TBXAS1: variants seen among roughly 807,000 people sequenced by gnomAD.
TBXAS1 encodes the protein thromboxane A synthase 1.
Under a neutral mutation model 60.7 loss-of-function variants are expected in TBXAS1, and 48 were observed. The observed-to-expected ratio is 0.79, with a 90% confidence interval of 0.63 to 1.01. The LOEUF (loss-of-function observed/expected upper bound fraction) is 1.01. TBXAS1 is among the 50% of genes least tolerant of loss of function. TBXAS1 has a pLI of 0.00. For synonymous variants in TBXAS1, 287 were observed against 269.7 expected (o/e 1.06, Z -0.63); for missense variants, 685 against 686.3 (o/e 1.00, Z 0.02).
At chr7:139,960,729 G>C (rs1810262254) in intron 8 of TBXAS1, among the ~76,000 whole-genome samples, 1 of 141,148 alleles carries the variant, frequency 7.1e-6, no homozygotes, top group Admixed American at 7.1e-5. Flanking sequence ...CTGGGTGACA[G>C]AGCAAAAAAA....
chr7:139,830,129 G>C (rs764745), intron 1 of TBXAS1, among the ~76,000 whole-genome samples: 103,782 of 152,008 alleles, frequency 0.68, 37,317 homozygotes, highest in East Asian at 0.92. Context: ...TTTTCCTAAG[G>C]CTGACTCTGG....
chr7:139,977,809 G>A (rs931735654), intron 9 of TBXAS1, among the ~76,000 whole-genome samples: 4 of 152,194 alleles, frequency 2.6e-5, no homozygotes, highest in African/African-American at 7.2e-5. Flanking sequence ...CATCGTAACA[G>A]TAAACATTTA....
At chr7:139,986,732 TATATATACATAC>T (rs1329336306) in intron 9 of TBXAS1, among the ~76,000 whole-genome samples, 571 of 40,706 alleles carry the variant, frequency 0.014, 19 homozygotes, top group African/African-American at 0.064. Flanking sequence ...CATATATATA[TATATATACATAC>T]ATATATATAT....
At position 139,829,480 on chromosome 7, in the gene TBXAS1, G is replaced by A; in HGVS notation, c.89+1G>A. The A allele has an allele frequency of 6.2e-7, 1 of 1,613,386 alleles. No homozygotes were observed. Among genetic ancestry groups the A allele is most frequent in the Non-Finnish European group, 8.5e-7 (1 of 1,179,726 alleles). ...TGGCTCTCTTGGCCCTCCTGAAATGGTAAGTGCAGCCAGCCCTAGGGACTG... is the reference window on the plus strand; with the variant it reads ...TGGCTCTCTTGGCCCTCCTGAAATGATAAGTGCAGCCAGCCCTAGGGACTG... On this transcript the variant is annotated splice_donor_variant, in intron 1 of 12. Transcript: ENST00000448866. LOFTEE classifies it high-confidence loss of function.
At chr7:139,799,645 C>T (rs1158373124) in intron 4 of TBXAS1, among the ~76,000 whole-genome samples, 1 of 152,196 alleles carries the variant, frequency 6.6e-6, no homozygotes, top group African/African-American at 2.4e-5. Context: ...GCATGAGCCA[C>T]CACGCCCAGC....
In TBXAS1 at chr7:139,841,484, T is replaced by C. The variant is rs959232083; in HGVS notation, c.89+12005T>C. Among the ~76,000 whole-genome samples, 214 of 24,052 alleles carry C rather than the reference T, an allele frequency of 8.9e-3. 1 individual carries two copies. The highest frequency in any genetic ancestry group is 0.061 in the African/African-American group (196 of 3,236). The allele number at this position is 24,052 out of a possible 152,430, so 15.8% of individuals were successfully genotyped here. A position where few individuals can be genotyped will look rare whatever the true frequency, so the allele number is the denominator to read the frequency against. ...TAGAGAGGGATACATCTATTTCCCT[T>C]TTTTTTTTTTTTATCTTTTTGTATT... On this transcript the variant is annotated intron_variant, in intron 1 of 12. Coordinates refer to ENST00000448866, the MANE Select transcript of TBXAS1 (RefSeq NM_001061.7).
At position 139,970,893 on chromosome 7, in the gene TBXAS1, A is replaced by T. The variant is rs550558470; in HGVS notation, c.1134+8660A>T. ...TCACATCCAACGGGACCCTCAGGCC[A>T]ATCCTTTTAAGCAGGGGGCTCCACC... On this transcript the variant is annotated intron_variant, in intron 9 of 12. Coordinates refer to ENST00000448866, the MANE Select transcript of TBXAS1 (RefSeq NM_001061.7). Among the ~76,000 whole-genome samples the T allele has an allele frequency of 3.3e-5, 5 of 152,250 alleles. No individual in the cohort carries two copies. The East Asian group carries it at 9.7e-4, about 29-fold the overall frequency.
chr7:139,968,167 C>T (rs747683644), intron 9 of TBXAS1, among the ~76,000 whole-genome samples: 16 of 152,250 alleles, frequency 1.1e-4, no homozygotes, highest in Non-Finnish European at 2.2e-4. Context: ...GATCTGCCTC[C>T]GCACATCCTG....
chr7:139,788,930 C>T (rs937622412), intron 4 of TBXAS1, among the ~76,000 whole-genome samples: 39 of 152,174 alleles, frequency 2.6e-4, no homozygotes, highest in African/African-American at 9.4e-4. Context: ...TATTTTTGAG[C>T]AGGAGTCCAA....
chr7:139,936,161 C>A (rs746580516), intron 4 of TBXAS1, 30 bp from the exon 5 acceptor site: 3 of 1,612,808 alleles, frequency 1.9e-6, no homozygotes, highest in Non-Finnish European at 2.5e-6. Flanking sequence ...CTCCCTGAGT[C>A]CTGACCCTCT....
intron 3 of TBXAS1, among the ~76,000 whole-genome samples, chr7:139,910,580 T>C (rs1185544997): frequency 6.6e-6 from 1 of 152,134 alleles, no homozygotes; most frequent in African/African-American, 2.4e-5. Flanking sequence ...GAGGTTGCAG[T>C]GAGCTGAGAT....
chr7:139,879,626 A>G (rs77942718), intron 3 of TBXAS1, among the ~76,000 whole-genome samples: 5,104 of 152,186 alleles, frequency 0.034, 259 homozygotes, highest in African/African-American at 0.12. Flanking sequence ...ATATAAATAT[A>G]TATTGATATA....
chr7:139,856,016 T>C (rs148095460), intron 1 of TBXAS1, among the ~76,000 whole-genome samples: 27 of 152,338 alleles, frequency 1.8e-4, no homozygotes, highest in African/African-American at 6.0e-4. Context: ...AGAGCCTTTG[T>C]TGTGCTCGAC....
Position 139,999,495 on chromosome 7 carries a change from G to A in TBXAS1, c.1135-7596G>A, listed in dbSNP as rs1813520297. Reference sequence around the variant, plus strand: ...GCCGAGATTGTACCATTGCACTCCAGCCTGGGGGATAGAGCAAGACTCTGT... The same window carrying A: ...GCCGAGATTGTACCATTGCACTCCAACCTGGGGGATAGAGCAAGACTCTGT... On this transcript the variant is annotated intron_variant, in intron 9 of 12. Coordinates refer to ENST00000448866, the MANE Select transcript of TBXAS1 (RefSeq NM_001061.7). The surrounding 1 kb of genome is among the most constrained non-coding windows in gnomAD (Gnocchi z 4.3). Among the ~76,000 whole-genome samples the A allele has an allele frequency of 6.6e-6, 1 of 152,198 alleles. No homozygotes were observed.
Position 139,896,407 on chromosome 7 carries a change from C to T in TBXAS1, c.237-14818C>T, listed in dbSNP as rs922574265. 1.3e-5 allele frequency among the ~76,000 whole-genome samples: 2 copies of T among 152,134 alleles called. No individual in the cohort carries two copies. The highest frequency in any genetic ancestry group is 2.9e-5 in the Non-Finnish European group (2 of 68,010). On this transcript the variant is annotated intron_variant, in intron 3 of 12. Transcript: ENST00000448866. This position sits in a 1 kb window ranked among gnomAD's most constrained non-coding sequence, Gnocchi z 4.0. Reference sequence around the variant, plus strand: ...GCAAAGAGGCAGAGCAGGGGGAATACTGCACATCTGGGGAACCATAAATAA... The same window carrying T: ...GCAAAGAGGCAGAGCAGGGGGAATATTGCACATCTGGGGAACCATAAATAA...
chr7:139,781,111 C>T (rs975080176), intron 2 of TBXAS1, among the ~76,000 whole-genome samples: 1 of 152,178 alleles, frequency 6.6e-6, no homozygotes, highest in Non-Finnish European at 1.5e-5. Context: ...AGACAGAGGT[C>T]CACCTTCTCT....
intron 2 of TBXAS1, 115 bp from the exon 3 acceptor site, chr7:139,875,469 CT>C: frequency 1.1e-6 from 1 of 886,242 alleles, no homozygotes. Context: ...AACTTCCATT[CT>C]TTTTTATTGT....
intron 2 of TBXAS1, among the ~76,000 whole-genome samples, chr7:139,873,457 C>G (rs181127505): frequency 6.6e-6 from 1 of 152,050 alleles, no homozygotes; most frequent in Non-Finnish European, 1.5e-5. Context: ...TCGGTCTGGT[C>G]GGTGATGAGA....
chr7:139,998,817 T>C (rs896692008), intron 9 of TBXAS1, among the ~76,000 whole-genome samples: 1 of 152,154 alleles, frequency 6.6e-6, no homozygotes, highest in Non-Finnish European at 1.5e-5. Flanking sequence ...CTGGTTTATG[T>C]TTTTTCATTA....
Sources: gnomAD v4.1 joint callset for allele counts (sites outside exome capture counted in the v4.1 genomes callset) on GRCh38, gnomAD v4.1.1 for gene constraint, Gnocchi (gnomAD v3.1) non-coding constraint, MANE v1.5 for transcripts, NCBI Gene and HGNC (gene_info 2026-07-23, HGNC 2026-07-21) for gene names.